The following FER variants were observed in gnomAD, a reference collection of about 807,000 sequenced individuals.
FER encodes the protein FER tyrosine kinase.
Under a neutral mutation model 111.0 loss-of-function variants are expected in FER, and 63 were observed. The observed-to-expected ratio is 0.57, with a 90% confidence interval of 0.46 to 0.70. The LOEUF is 0.70. Ranked by LOEUF, FER falls within the 30% of genes least tolerant of loss-of-function variation. The probability of loss-of-function intolerance (pLI) is 0.00; values close to 1 mark genes in which losing one functional copy is unlikely to be tolerated. For missense variants in FER, 914 were observed against 954.0 expected, an observed-to-expected ratio of 0.96 and a Z score of 0.55; for synonymous variants, 327 against 313.9, an observed-to-expected ratio of 1.04 and a Z score of -0.44.
intron 10 of FER, among the ~76,000 whole-genome samples, chr5:108,903,164 A>G (rs1033108778): frequency 2.0e-5 from 3 of 152,156 alleles, no homozygotes; most frequent in African/African-American, 4.8e-5. Context: ...ATGAATTTCT[A>G]CTTTATAAAT....
chr5:108,852,313 T>G (rs1313221555), intron 5 of FER, among the ~76,000 whole-genome samples: 2 of 152,212 alleles, frequency 1.3e-5, no homozygotes, highest in African/African-American at 4.8e-5. Context: ...TGTAGAGTAC[T>G]TTAATTATGA....
At chr5:108,892,651 T>C (rs1267160508) in intron 9 of FER, among the ~76,000 whole-genome samples, 1 of 152,222 alleles carries the variant, frequency 6.6e-6, no homozygotes, top group African/African-American at 2.4e-5. Flanking sequence ...TCTTTTGCTG[T>C]GCAGAAGCTC....
chr5:108,865,486 A>G (rs1763948742), intron 5 of FER, among the ~76,000 whole-genome samples: 1 of 152,220 alleles, frequency 6.6e-6, no homozygotes, highest in Non-Finnish European at 1.5e-5. Flanking sequence ...AAACCCCAGA[A>G]GAAAACCTTG....
intron 17 of FER, among the ~76,000 whole-genome samples, chr5:109,123,023 C>G (rs1006503031): frequency 6.6e-6 from 1 of 151,980 alleles, no homozygotes; most frequent in Non-Finnish European, 1.5e-5. Flanking sequence ...ATCCATTCAG[C>G]CACTCTATAC....
intron 13 of FER, among the ~76,000 whole-genome samples, chr5:108,997,004 AT>A (rs1453687207): frequency 1.3e-5 from 2 of 151,830 alleles, no homozygotes; most frequent in Non-Finnish European, 2.9e-5. Context: ...ATTCCTAGGT[AT>A]TTTATTCCCT....
chr5:109,152,482 G>T (rs1425384996), intron 17 of FER, among the ~76,000 whole-genome samples: 1 of 151,902 alleles, frequency 6.6e-6, no homozygotes, highest in East Asian at 1.9e-4. Flanking sequence ...AGGCTGTATA[G>T]AAATCATTAA....
chr5:108,889,182 A>G (rs1009422520), intron 9 of FER, among the ~76,000 whole-genome samples: 1 of 151,964 alleles, frequency 6.6e-6, no homozygotes. Context: ...TAGAGCTACC[A>G]TGCCATCCAG....
intron 3 of FER, among the ~76,000 whole-genome samples, chr5:108,798,931 A>T (rs1200591250): frequency 6.6e-6 from 1 of 152,260 alleles, no homozygotes; most frequent in East Asian, 1.9e-4. Context: ...TTTGAGAACC[A>T]TTGTTACAAA....
chr5:109,052,444 C>T (rs1772972649), intron 16 of FER: 5 of 1,341,770 alleles, frequency 3.7e-6, no homozygotes, highest in South Asian at 1.2e-5. Context: ...GCCTAAAGTG[C>T]TCCAGTCACG....
chr5:108,877,829 A>G (rs956327037), intron 8 of FER, among the ~76,000 whole-genome samples: 5 of 152,196 alleles, frequency 3.3e-5, no homozygotes, highest in African/African-American at 1.2e-4. Flanking sequence ...TTAGATCGTG[A>G]CATCCAATGA....
intron 17 of FER, among the ~76,000 whole-genome samples, chr5:109,135,465 A>G (rs543668645): frequency 5.5e-4 from 84 of 152,308 alleles, no homozygotes; most frequent in Non-Finnish European, 8.4e-4. Flanking sequence ...TTAATTAGAC[A>G]TATGTAACTG....
chr5:109,024,845 C>T (rs1768454600), intron 13 of FER, among the ~76,000 whole-genome samples: 1 of 151,842 alleles, frequency 6.6e-6, no homozygotes, highest in African/African-American at 2.4e-5. Context: ...TATGGCTAGC[C>T]AGTTTTCCCA....
chr5:108,772,307 T>TATATATATGTATGTATATATATATACAC lies in FER; in HGVS notation c.-60+4082_-60+4109dup, dbSNP rs1561394655. 1.1e-4 allele frequency among the ~76,000 whole-genome samples: 10 copies of TATATATATGTATGTATATATATATACAC among 94,090 alleles called. 1 individual carries two copies. The highest frequency in any genetic ancestry group is 8.7e-4 in the Admixed American group (9 of 10,320). 61.7% of individuals were successfully genotyped at this position (94,090 alleles called of 152,430 possible). ...TATTCAGATCTCCCCTGTTATGCCA[T>TATATATATGTATGTATATATATATACAC]ATATATATGTATGTATATATATATA... On this transcript the variant is annotated intron_variant, in intron 2 of 19. Transcript: ENST00000281092.
In FER at chr5:108,798,367, A is replaced by G. The variant is rs756105876; in HGVS notation, c.185A>G (p.Asn62Ser). ...GATAAGGAAAGTACTGTCCAAATGA[A>G]TTATGTCAGCAACGTATCCAAGGTA... is the stretch of plus-strand genomic sequence containing the variant. ...QVDKESTVQM[N>S]YVSNVSKSWL... Residue 62 changes from asparagine to serine, a missense_variant, in exon 3 of 20, where the codon AAT becomes AGT. Physicochemically the swap from Asn to Ser is conservative, Grantham distance 46. Transcript: ENST00000281092. The G allele has an allele frequency of 1.2e-6, 2 of 1,612,964 alleles. No individual in the cohort carries two copies. The highest frequency in any genetic ancestry group is 1.7e-6 in the Non-Finnish European group (2 of 1,179,202).
At chr5:109,076,182 C>T (rs183850853) in intron 16 of FER, among the ~76,000 whole-genome samples, 7 of 151,992 alleles carry the variant, frequency 4.6e-5, no homozygotes, top group East Asian at 1.9e-4. Flanking sequence ...AGAAAGATAG[C>T]GAAATCAGTA....
chr5:109,140,602 CT>C (rs1753421625), intron 17 of FER, among the ~76,000 whole-genome samples: 1 of 152,110 alleles, frequency 6.6e-6, no homozygotes, highest in Admixed American at 6.6e-5. Context: ...ATACAAAAGC[CT>C]GTTAAAATGA....
At chr5:108,919,774 G>A (rs773119156) in intron 10 of FER, among the ~76,000 whole-genome samples, 3 of 152,094 alleles carry the variant, frequency 2.0e-5, no homozygotes, top group Non-Finnish European at 4.4e-5. Flanking sequence ...TATACAATCA[G>A]TGTTGCATGA....
chr5:109,067,220 TG>T (rs2149982831), intron 16 of FER, among the ~76,000 whole-genome samples: 1 of 147,942 alleles, frequency 6.8e-6, no homozygotes, highest in African/African-American at 2.5e-5. Context: ...GGGAGTGGAG[TG>T]ACTGGTTTGT....
intron 16 of FER, among the ~76,000 whole-genome samples, chr5:109,053,826 G>A (rs1334700879): frequency 6.6e-6 from 1 of 151,676 alleles, no homozygotes; most frequent in African/African-American, 2.4e-5. Flanking sequence ...GAGTAGCTGG[G>A]ACTACAGGCA....
Sources: allele counts gnomAD v4.1 joint callset (sites outside exome capture counted in the v4.1 genomes callset), GRCh38; gene constraint gnomAD v4.1.1; transcripts MANE v1.5; gene names NCBI Gene and HGNC (gene_info 2026-07-23, HGNC 2026-07-21).